The following SFTPD variants were observed in gnomAD, a reference collection of about 807,000 sequenced individuals.
The protein encoded by SFTPD is surfactant protein D.
In SFTPD, 18 loss-of-function variants were observed where a neutral mutation model predicts 34.6. That is an observed-to-expected ratio of 0.52 (90% CI 0.36 to 0.77). The LOEUF is 0.77. Ranked by LOEUF, SFTPD falls within the 30% of genes least tolerant of loss-of-function variation. The pLI is 0.00. For missense variants in SFTPD, 433 were observed against 468.9 expected, an observed-to-expected ratio of 0.92 and a Z score of 0.71; for synonymous variants, 155 against 180.9, an observed-to-expected ratio of 0.86 and a Z score of 1.15.
At chr10:79,947,526 C>T (rs1468507934) in intron 1 of SFTPD, among the ~76,000 whole-genome samples, 2 of 152,106 alleles carry the variant, frequency 1.3e-5, no homozygotes, top group Admixed American at 6.6e-5. Context: ...CCCATCTCTA[C>T]TAAAAGTATA....
intron 1 of SFTPD, among the ~76,000 whole-genome samples, chr10:79,948,715 C>A (rs1842689623): frequency 6.6e-6 from 1 of 152,148 alleles, no homozygotes; most frequent in Admixed American, 6.5e-5. Context: ...TTCCACTGTC[C>A]TTTCTGAAGA....
intron 2 of SFTPD, among the ~76,000 whole-genome samples, chr10:79,943,393 G>C (rs969088912): frequency 4.6e-5 from 7 of 152,144 alleles, no homozygotes; most frequent in Non-Finnish European, 8.8e-5. Context: ...CTCAGCAGGG[G>C]GTTCATAATA....
intron 1 of SFTPD, among the ~76,000 whole-genome samples, chr10:79,973,425 C>T (rs560679795): frequency 3.3e-5 from 5 of 152,120 alleles, no homozygotes; most frequent in African/African-American, 1.2e-4. Context: ...CAAGACCAGC[C>T]TGGCCAACAT....
chr10:79,939,394 A>C (rs1301345084), intron 7 of SFTPD, among the ~76,000 whole-genome samples: 1 of 152,224 alleles, frequency 6.6e-6, no homozygotes, highest in African/African-American at 2.4e-5. Flanking sequence ...CAAAGTCAGC[A>C]TAAGAGTTCA....
At chr10:79,946,732 C>T in intron 1 of SFTPD, 70 bp from the exon 2 acceptor site, 1 of 1,412,728 alleles carries the variant, frequency 7.1e-7, no homozygotes, top group Non-Finnish European at 9.8e-7. Context: ...CTTGGCTCAG[C>T]TTCTAGAGGT....
chr10:79,956,265 T>C (rs996018275), intron 1 of SFTPD, among the ~76,000 whole-genome samples: 2 of 152,176 alleles, frequency 1.3e-5, no homozygotes, highest in Non-Finnish European at 2.9e-5. Flanking sequence ...CCATCTGAGG[T>C]ACCGGGTTCA....
At chr10:79,953,062 A>G (rs924899723), upstream of SFTPD, among the ~76,000 whole-genome samples, 6 of 152,164 alleles carry the variant, frequency 3.9e-5, no homozygotes, top group African/African-American at 9.7e-5. Context: ...GGGTTCCCCA[A>G]TAGGTCATGT....
chr10:79,964,497 A>G (rs547975995), intron 1 of SFTPD, among the ~76,000 whole-genome samples: 16 of 152,142 alleles, frequency 1.1e-4, no homozygotes, highest in Non-Finnish European at 2.4e-4. Flanking sequence ...ACTTCCACCT[A>G]TCAGTCTTCC....
At chr10:79,982,023 C>T in intron 1 of SFTPD, 1 of 294,884 alleles carries the variant, frequency 3.4e-6, no homozygotes, top group Non-Finnish European at 6.3e-6. Context: ...GCGCGCCGGG[C>T]GCCGACTTCC....
chr10:79,955,635 C>T (rs1842734473), intron 1 of SFTPD, among the ~76,000 whole-genome samples: 2 of 152,326 alleles, frequency 1.3e-5, no homozygotes, highest in South Asian at 4.1e-4. Context: ...CTAGATTCTG[C>T]AACAATTGTC....
chr10:79,952,474 G>T (rs1842715738), upstream of SFTPD, among the ~76,000 whole-genome samples: 1 of 152,182 alleles, frequency 6.6e-6, no homozygotes, highest in Admixed American at 6.5e-5. Flanking sequence ...CTGTGTCTCT[G>T]CTGGGAGGGG....
chr10:79,973,127 T>G (rs888249056), intron 1 of SFTPD: 4 of 152,324 alleles, frequency 2.6e-5, no homozygotes, highest in Admixed American at 6.5e-5. Context: ...AACATTAATA[T>G]TCCCACTTTG....
chr10:79,951,702 G>A (rs1174316997), upstream of SFTPD, among the ~76,000 whole-genome samples: 1 of 152,192 alleles, frequency 6.6e-6, no homozygotes. Context: ...TGTGGCATAA[G>A]CTGATGGGTA....
chr10:79,953,543 GT>G (rs1842722848), upstream of SFTPD, among the ~76,000 whole-genome samples: 1 of 151,464 alleles, frequency 6.6e-6, no homozygotes, highest in Admixed American at 6.6e-5. Context: ...TGACAAGTCA[GT>G]TTTCTCCTGC....
rs543372345 is a variant in SFTPD at position 79,962,981 on chromosome 10, A to G, written c.37-16319T>C. ...ATTCTATCTGTGTATATATCTATCTATCATTTATCTATCAGTCTACCATCT... is the reference window on the plus strand; with the variant it reads ...ATTCTATCTGTGTATATATCTATCTGTCATTTATCTATCAGTCTACCATCT... On this transcript the variant is annotated intron_variant, in intron 1 of 5. Transcript: ENST00000444384. Among the ~76,000 whole-genome samples, 184 of 152,264 alleles carry G rather than the reference A, an allele frequency of 1.2e-3. 2 individuals carry two copies. The highest frequency in any genetic ancestry group is 4.2e-3 in the African/African-American group (175 of 41,552).
At chr10:79,975,358 T>C (rs1842858773) in intron 1 of SFTPD, among the ~76,000 whole-genome samples, 1 of 152,142 alleles carries the variant, frequency 6.6e-6, no homozygotes, top group Admixed American at 6.5e-5. Flanking sequence ...TATACTCTCC[T>C]TCCTCCTCCT....
chr10:79,942,085 C>T lies in SFTPD; in HGVS notation c.434-15G>A, dbSNP rs1204718116. The T allele has an allele frequency of 6.3e-7, 1 of 1,580,512 alleles. No homozygotes were observed. The highest frequency in any genetic ancestry group is 1.7e-5 in the Admixed American group (1 of 59,320). ...ACCTACTTCTCCTGAAGAAGGAACACACAGGAACAAACACAGCTAAGAGCG... is the reference window on the plus strand; with the variant it reads ...ACCTACTTCTCCTGAAGAAGGAACATACAGGAACAAACACAGCTAAGAGCG... On this transcript the variant is annotated splice_polypyrimidine_tract_variant and intron_variant, in intron 4 of 7. Coordinates refer to ENST00000372292, the MANE Select transcript of SFTPD (RefSeq NM_003019.5).
chr10:79,981,597 C>T (rs1842890630), intron 1 of SFTPD, among the ~76,000 whole-genome samples: 2 of 152,160 alleles, frequency 1.3e-5, no homozygotes, highest in Admixed American at 1.3e-4. Flanking sequence ...GCGCAGCACC[C>T]CTCCCTCCCA....
chr10:79,978,158 G>A (rs1842872577), intron 1 of SFTPD, among the ~76,000 whole-genome samples: 1 of 152,190 alleles, frequency 6.6e-6, no homozygotes, highest in Non-Finnish European at 1.5e-5. Context: ...ATCTGTCCAA[G>A]ATGCAATGCT....
Sources: gnomAD v4.1 joint callset for allele counts (sites outside exome capture counted in the v4.1 genomes callset) on GRCh38, gnomAD v4.1.1 for gene constraint, MANE v1.5 for transcripts, NCBI Gene and HGNC (gene_info 2026-07-23, HGNC 2026-07-21) for gene names.